The following KCNMA1 variants were observed in gnomAD, a reference collection of about 807,000 sequenced individuals.
KCNMA1 encodes the protein potassium calcium-activated channel subfamily M alpha 1.
A neutral mutation model predicts 140.0 loss-of-function variants in KCNMA1; 29 were observed. The observed-to-expected ratio is 0.21, with a 90% CI of 0.15 to 0.28. The LOEUF (loss-of-function observed/expected upper bound fraction) is 0.28, where lower values mean the gene tolerates loss of function less well. Among genes scored for constraint, KCNMA1 ranks in the 10% least tolerant of loss-of-function variants. The pLI is 1.00. For synonymous variants in KCNMA1, 612 were observed against 611.9 expected, an observed-to-expected ratio of 1.00 and a Z score of 0.00; for missense variants, 880 against 1,602.2, an observed-to-expected ratio of 0.55 and a Z score of 7.70.
chr10:77,473,542 G>A (rs1358709354), intron 1 of KCNMA1, among the ~76,000 whole-genome samples: 1 of 152,214 alleles, frequency 6.6e-6, no homozygotes, highest in African/African-American at 2.4e-5. Flanking sequence ...CTTTTCAGTA[G>A]AGCCTGACTT....
rs7069503 is a variant in KCNMA1 at position 77,030,965 on chromosome 10, C to A, written c.1860-3074G>T. 7.2e-3 allele frequency among the ~76,000 whole-genome samples: 1,093 copies of A among 152,274 alleles called. 9 individuals carry two copies. The highest frequency in any genetic ancestry group is 0.023 in the African/African-American group (937 of 41,558). On this transcript the variant is annotated intron_variant, in intron 15 of 27. Coordinates refer to ENST00000286628, the MANE Select transcript of KCNMA1 (RefSeq NM_001161352.2). ...GTGAACAGAGAGAACATAGGCAAGC[C>A]GTGCCACAACACAGATTTTCAGACT...
intron 18 of KCNMA1, among the ~76,000 whole-genome samples, chr10:77,007,653 G>GCATATATA (rs1336725087): frequency 1.1e-5 from 1 of 88,480 alleles, no homozygotes; most frequent in Non-Finnish European, 2.3e-5. Flanking sequence ...TTGTGTGTGT[G>GCATATATA]TATATATATA....
intron 1 of KCNMA1, among the ~76,000 whole-genome samples, chr10:77,602,385 C>T (rs79479679): frequency 0.045 from 6,869 of 152,106 alleles, 485 homozygotes; most frequent in African/African-American, 0.16. Flanking sequence ...AGTTCAGTAG[C>T]GTCTGAGGCT....
chr10:77,209,822 G>A (rs2045417244), intron 3 of KCNMA1, among the ~76,000 whole-genome samples: 1 of 151,504 alleles, frequency 6.6e-6, no homozygotes, highest in Non-Finnish European at 1.5e-5. Flanking sequence ...ATAAATTCCT[G>A]GAAACACACA....
intron 1 of KCNMA1, among the ~76,000 whole-genome samples, chr10:77,597,384 C>T (rs983807190): frequency 1.3e-5 from 2 of 152,124 alleles, no homozygotes; most frequent in African/African-American, 4.8e-5. Context: ...GTCCCCAACA[C>T]ATAGAAATGA....
At chr10:77,307,893 A>C (rs1327056916) in intron 2 of KCNMA1, among the ~76,000 whole-genome samples, 1 of 152,178 alleles carries the variant, frequency 6.6e-6, no homozygotes, top group African/African-American at 2.4e-5. Flanking sequence ...ATGATGGGCT[A>C]TCAGGATGTA....
intron 2 of KCNMA1, among the ~76,000 whole-genome samples, chr10:77,369,207 C>G (rs2094535107): frequency 6.6e-6 from 1 of 152,150 alleles, no homozygotes; most frequent in South Asian, 2.1e-4. Flanking sequence ...TCTAGGTCCT[C>G]AGAATCTGCA....
At chr10:77,415,608 A>G (rs1480015108) in intron 1 of KCNMA1, among the ~76,000 whole-genome samples, 1 of 152,274 alleles carries the variant, frequency 6.6e-6, no homozygotes, top group Non-Finnish European at 1.5e-5. Flanking sequence ...CCTCATGTTC[A>G]TAAAAGAATG....
At chr10:77,007,635 G>T in intron 18 of KCNMA1, among the ~76,000 whole-genome samples, 1 of 75,616 alleles carries the variant, frequency 1.3e-5, no homozygotes, top group Non-Finnish European at 3.0e-5. Flanking sequence ...GATACATCAT[G>T]GTACATATTG....
chr10:76,989,396 G>A (rs1042891169), intron 19 of KCNMA1, among the ~76,000 whole-genome samples: 39 of 152,210 alleles, frequency 2.6e-4, no homozygotes, highest in African/African-American at 9.1e-4. Context: ...ACGATGTTGG[G>A]TAATAGACAT....
rs184658819 is a variant in KCNMA1 at position 76,906,522 on chromosome 10, T to C, written c.3147+3444A>G. Among the ~76,000 whole-genome samples, 201 of 151,982 alleles carry C rather than the reference T, an allele frequency of 1.3e-3. 1 individual carries two copies. The highest frequency in any genetic ancestry group is 0.01 in the Admixed American group (154 of 15,270). On this transcript the variant is annotated intron_variant, in intron 25 of 27. Coordinates refer to ENST00000286628, the MANE Select transcript of KCNMA1 (RefSeq NM_001161352.2). ...CAAATGAAGCAGTAAGCAGCAGGAG[T>C]TGGGTTATGAAGGACAATATTCAGA...
chr10:77,070,483 T>C (rs530315923), intron 14 of KCNMA1, among the ~76,000 whole-genome samples: 191 of 152,292 alleles, frequency 1.3e-3, no homozygotes, highest in African/African-American at 1.7e-3. Context: ...ACACTTTACC[T>C]TGGCTTCCAG....
chr10:77,248,183 C>A (rs77733597), intron 3 of KCNMA1, among the ~76,000 whole-genome samples: 1 of 152,164 alleles, frequency 6.6e-6, no homozygotes, highest in Non-Finnish European at 1.5e-5. Flanking sequence ...AAAATAACTA[C>A]CTAGCCTGCT....
intron 5 of KCNMA1, among the ~76,000 whole-genome samples, chr10:77,154,649 C>A (rs1032737360): frequency 2.0e-5 from 3 of 152,014 alleles, no homozygotes; most frequent in African/African-American, 7.3e-5. Flanking sequence ...TATAGAGATA[C>A]AGATATATAG....
At chr10:77,076,543 G>A (rs1194924794) in intron 13 of KCNMA1, among the ~76,000 whole-genome samples, 4 of 152,128 alleles carry the variant, frequency 2.6e-5, no homozygotes, top group Admixed American at 6.5e-5. Context: ...TTAAAGAGTC[G>A]GTGGCAGTAA....
intron 1 of KCNMA1, among the ~76,000 whole-genome samples, chr10:77,584,898 C>A (rs1294412591): frequency 6.6e-6 from 1 of 152,228 alleles, no homozygotes; most frequent in Non-Finnish European, 1.5e-5. Flanking sequence ...AGCATCACCT[C>A]CAGCTCCCTA....
chr10:77,113,769 T>G (rs2097382228), intron 6 of KCNMA1, among the ~76,000 whole-genome samples: 1 of 152,236 alleles, frequency 6.6e-6, no homozygotes, highest in African/African-American at 2.4e-5. Context: ...CAGCCCAGTT[T>G]ATTTTTTAAA....
intron 16 of KCNMA1, chr10:77,019,588 T>C (rs540087125): frequency 2.4e-5 from 4 of 165,090 alleles, no homozygotes; most frequent in Non-Finnish European, 5.3e-5. Flanking sequence ...CCGCAGGGAA[T>C]GGTACAAGAC....
At chr10:77,152,957 T>C (rs1238195964) in intron 5 of KCNMA1, among the ~76,000 whole-genome samples, 2 of 152,092 alleles carry the variant, frequency 1.3e-5, no homozygotes, top group Non-Finnish European at 2.9e-5. Flanking sequence ...CATGAGAACA[T>C]GGAAAATGTG....
Sources: allele counts gnomAD v4.1 joint callset (sites outside exome capture counted in the v4.1 genomes callset), GRCh38; gene constraint gnomAD v4.1.1; transcripts MANE v1.5; gene names NCBI Gene and HGNC (gene_info 2026-07-23, HGNC 2026-07-21).